UNC80: variants seen among roughly 807,000 people sequenced by gnomAD.
The protein encoded by UNC80 is unc-80 subunit of NALCN channel complex.
Under a neutral mutation model 384.6 loss-of-function variants are expected in UNC80, and 164 were observed. The observed-to-expected ratio is 0.43, with a 90% CI of 0.38 to 0.49. The LOEUF is 0.49. UNC80 is among the 20% of genes least tolerant of loss of function. The pLI, the probability that UNC80 is intolerant of heterozygous loss-of-function variation, is 0.00. For missense variants in UNC80, 3,330 were observed against 4,143.0 expected (o/e 0.80, Z 5.39); for synonymous variants, 1,486 against 1,527.8 (o/e 0.97, Z 0.64).
intron 6 of UNC80, 98 bp from the exon 7 acceptor site, chr2:209,793,622 C>A: frequency 7.0e-7 from 1 of 1,438,370 alleles, no homozygotes; most frequent in Non-Finnish European, 9.4e-7. Flanking sequence ...ATATATGGAA[C>A]CATGTTGTAA....
At chr2:209,836,410 G>A (rs187142368) in intron 18 of UNC80, among the ~76,000 whole-genome samples, 3 of 152,094 alleles carry the variant, frequency 2.0e-5, no homozygotes, top group East Asian at 1.9e-4. Context: ...GAGAATGATC[G>A]AATAGCCAAA....
intron 22 of UNC80, among the ~76,000 whole-genome samples, chr2:209,867,291 G>C (rs2083914010): frequency 6.6e-6 from 1 of 152,272 alleles, no homozygotes; most frequent in Non-Finnish European, 1.5e-5. Context: ...TGACGCCTAG[G>C]CTCAAATATG....
intron 28 of UNC80, among the ~76,000 whole-genome samples, chr2:209,901,132 G>T (rs1212759087): frequency 6.6e-6 from 1 of 152,206 alleles, no homozygotes; most frequent in African/African-American, 2.4e-5. Flanking sequence ...ACTATAAAAT[G>T]ATTTTTAATG....
At chr2:209,922,451 C>T (rs958370754) in intron 35 of UNC80, 68 bp downstream of exon 35, 3 of 1,471,696 alleles carry the variant, frequency 2.0e-6, no homozygotes, top group Non-Finnish European at 2.8e-6. Flanking sequence ...CAGTTAATAT[C>T]ATGATCTCAC....
intron 13 of UNC80, among the ~76,000 whole-genome samples, chr2:209,821,797 T>C (rs1397210115): frequency 1.3e-5 from 2 of 152,204 alleles, no homozygotes; most frequent in Non-Finnish European, 2.9e-5. Flanking sequence ...AGCTAGGAAA[T>C]GATATTCAGA....
Position 209,943,481 on chromosome 2 carries a change from G to C in UNC80, c.7017G>C (p.Leu2339=). The change falls in exon 45 of 65, where the codon CTG becomes CTC. Residue 2339 remains leucine, a synonymous_variant. Transcript: ENST00000673920. The stretch of plus-strand genomic sequence containing the variant: ...ACCGGAAGCCCTTTGTGCTCCAGCT[G>C]TTTGCTAGTGTGGCCCCTCTCCTGG... ...ILHRKPFVLQ[L]FASVAPLLEF... is the part of the protein sequence containing the mutation. 2 of 1,551,788 alleles carry C rather than the reference G, an allele frequency of 1.3e-6. No homozygotes were observed. The highest frequency in any genetic ancestry group is 1.7e-6 in the Non-Finnish European group (2 of 1,146,972).
chr2:209,964,726 G>T (rs2092695006), intron 51 of UNC80, among the ~76,000 whole-genome samples: 1 of 150,348 alleles, frequency 6.7e-6, no homozygotes, highest in Non-Finnish European at 1.5e-5. Context: ...GGCAGAGGTT[G>T]CAGTGAGCCG....
At chr2:209,930,593 A>G (rs1162190418) in intron 37 of UNC80, among the ~76,000 whole-genome samples, 1 of 152,180 alleles carries the variant, frequency 6.6e-6, no homozygotes, top group Non-Finnish European at 1.5e-5. Context: ...GGTTTGTTTA[A>G]TGATTTTTCA....
At chr2:209,945,236 T>G in intron 46 of UNC80, 47 bp downstream of exon 46, 1 of 1,527,808 alleles carries the variant, frequency 6.5e-7, no homozygotes, top group Non-Finnish European at 8.8e-7. Flanking sequence ...CTGCAGTTGT[T>G]AAATATAAAT....
At position 209,771,904 on chromosome 2, in the gene UNC80, C is replaced by CGGGGAGGGGTGG; in HGVS notation, c.-159_-148dup. Reference sequence around the variant, plus strand: ...TCCTCCCGCAGCCATGTTCCACGCGCGGGGAGGGGTGGGGGGAGGGGAGAG... The same window carrying CGGGGAGGGGTGG: ...TCCTCCCGCAGCCATGTTCCACGCGCGGGGAGGGGTGGGGGGAGGGGTGGGGGGAGGGGAGAG... On this transcript the variant is annotated 5_prime_UTR_variant, in exon 1 of 65. Coordinates refer to ENST00000673920, the MANE Select transcript of UNC80 (RefSeq NM_001371986.1). 6.5e-6 allele frequency: 4 copies of CGGGGAGGGGTGG among 614,042 alleles called. No homozygotes were observed. In the Admixed American group the frequency reaches 9.2e-5, roughly 14 times the overall value. 38.0% of individuals were successfully genotyped at this position (614,042 alleles called of 1,614,324 possible).
intron 46 of UNC80, 149 bp from the exon 47 acceptor site, chr2:209,945,698 G>T (rs531431885): frequency 3.6e-6 from 2 of 559,760 alleles, no homozygotes; most frequent in East Asian, 2.9e-5. Flanking sequence ...TTGAGATGAA[G>T]AAATTAATAG....
chr2:209,974,256 AG>A (rs2092953982), intron 56 of UNC80, among the ~76,000 whole-genome samples: 1 of 152,160 alleles, frequency 6.6e-6, no homozygotes, highest in African/African-American at 2.4e-5. Flanking sequence ...TTTGAAAATG[AG>A]GGGATTGACA....
intron 48 of UNC80, among the ~76,000 whole-genome samples, chr2:209,955,555 G>A (rs1219600982): frequency 6.6e-6 from 1 of 151,270 alleles, no homozygotes. Context: ...TTTCATGAAA[G>A]TCCCAGAAGA....
intron 43 of UNC80, among the ~76,000 whole-genome samples, chr2:209,940,633 G>A (rs2124978009): frequency 6.6e-6 from 1 of 152,128 alleles, no homozygotes; most frequent in South Asian, 2.1e-4. Flanking sequence ...GGCCAACATG[G>A]CGAAACCCTG....
At chr2:209,984,786 C>T in intron 60 of UNC80, 70 bp from the exon 61 acceptor site, 1 of 1,438,332 alleles carries the variant, frequency 7.0e-7, no homozygotes, top group Non-Finnish European at 9.3e-7. Context: ...AATTGCATGC[C>T]TTTTTTCTTT....
At chr2:209,884,693 T>G (rs1217761926) in intron 25 of UNC80, among the ~76,000 whole-genome samples, 1 of 152,186 alleles carries the variant, frequency 6.6e-6, no homozygotes, top group Non-Finnish European at 1.5e-5. Flanking sequence ...GTTGTACATA[T>G]ACACCATGGA....
At chr2:209,882,177 G>A (rs771977410) in intron 25 of UNC80, among the ~76,000 whole-genome samples, 1 of 151,744 alleles carries the variant, frequency 6.6e-6, no homozygotes, top group East Asian at 1.9e-4. Context: ...CATGTTAGCC[G>A]GGATGGTCTC....
Position 209,980,281 on chromosome 2 carries a change from G to A in UNC80, c.9118+1573G>A, listed in dbSNP as rs571931635. Among the ~76,000 whole-genome samples the A allele has an allele frequency of 2.6e-4, 40 of 152,268 alleles. 2 individuals carry two copies. The highest frequency in any genetic ancestry group is 8.9e-4 in the African/African-American group (37 of 41,562). On this transcript the variant is annotated intron_variant, in intron 59 of 64. Transcript: ENST00000673920. ...GCAATTCTTATTAATTATAGGAAAT[G>A]ATATCACCTATTTTTGTAGAGCTAA...
chr2:209,813,271 A>G (rs1187786086), intron 7 of UNC80, among the ~76,000 whole-genome samples: 1 of 152,190 alleles, frequency 6.6e-6, no homozygotes, highest in Non-Finnish European at 1.5e-5. Flanking sequence ...CGTGGTTTTT[A>G]AAATTCATGC....
Sources: gnomAD v4.1 joint callset for allele counts (sites outside exome capture counted in the v4.1 genomes callset) on GRCh38, gnomAD v4.1.1 for gene constraint, MANE v1.5 for transcripts, NCBI Gene and HGNC (gene_info 2026-07-23, HGNC 2026-07-21) for gene names.